The following NR3C2 variants were observed in gnomAD, a reference collection of about 807,000 sequenced individuals.
NR3C2 encodes the protein nuclear receptor subfamily 3 group C member 2.
Under a neutral mutation model 86.4 loss-of-function variants are expected in NR3C2, and 15 were observed. The ratio of observed to expected loss-of-function variants is 0.17; its 90% CI spans 0.12 to 0.27. The LOEUF (loss-of-function observed/expected upper bound fraction) is 0.27. Ranked by LOEUF, NR3C2 falls within the 10% of genes least tolerant of loss-of-function variation. NR3C2 has a pLI of 1.00. For synonymous variants in NR3C2, 458 were observed against 450.5 expected, an observed-to-expected ratio of 1.02 and a Z score of -0.21; for missense variants, 960 against 1,195.6, an observed-to-expected ratio of 0.80 and a Z score of 2.91.
chr4:148,149,251 C>A (rs1271082528), intron 6 of NR3C2, among the ~76,000 whole-genome samples: 1 of 152,140 alleles, frequency 6.6e-6, no homozygotes. Context: ...CATTTAACTA[C>A]TTTTAATATT....
chr4:148,367,958 C>A (rs1297905746), intron 2 of NR3C2, among the ~76,000 whole-genome samples: 1 of 152,014 alleles, frequency 6.6e-6, no homozygotes, highest in Non-Finnish European at 1.5e-5. Flanking sequence ...CCGTCTTTCA[C>A]ATCCGCCCTC....
chr4:148,086,902 C>G (rs1303981797), intron 8 of NR3C2, among the ~76,000 whole-genome samples: 1 of 152,150 alleles, frequency 6.6e-6, no homozygotes, highest in Non-Finnish European at 1.5e-5. Context: ...TTCTATTCAA[C>G]ATAGTATTAG....
Position 148,260,262 on chromosome 4 carries a change from A to C in NR3C2, c.1758-145T>G, listed in dbSNP as rs1015182822. On this transcript the variant is annotated intron_variant, in intron 2 of 8. Transcript: ENST00000358102. Reference sequence around the variant, plus strand: ...ACCACATACTATGTGACTTAGCAAAATAAAGGTAAAACCCGATGAGTGGAG... The same window carrying C: ...ACCACATACTATGTGACTTAGCAAACTAAAGGTAAAACCCGATGAGTGGAG... The C allele has an allele frequency of 2.9e-6, 3 of 1,028,188 alleles. No individual in the cohort carries two copies. The African/African-American group carries it at 4.8e-5, about 16-fold the overall frequency. 63.7% of individuals were successfully genotyped at this position (1,028,188 alleles called of 1,614,324 possible).
chr4:148,399,527 C>T (rs1748032971), intron 2 of NR3C2, among the ~76,000 whole-genome samples: 1 of 151,736 alleles, frequency 6.6e-6, no homozygotes, highest in African/African-American at 2.4e-5. Context: ...TTATCCATAT[C>T]GAATTTTCAA....
At chr4:148,117,777 G>A (rs1278024715) in intron 7 of NR3C2, among the ~76,000 whole-genome samples, 3 of 152,056 alleles carry the variant, frequency 2.0e-5, no homozygotes, top group African/African-American at 7.2e-5. Context: ...ATACGCATTC[G>A]GAAATCCTGA....
chr4:148,342,237 A>G (rs79580204), intron 2 of NR3C2, among the ~76,000 whole-genome samples: 320 of 152,196 alleles, frequency 2.1e-3, no homozygotes, highest in African/African-American at 7.4e-3. Context: ...GCTTTTCTAC[A>G]CGGCACAATA....
At chr4:148,341,962 C>G (rs1008964807) in intron 2 of NR3C2, among the ~76,000 whole-genome samples, 3 of 152,102 alleles carry the variant, frequency 2.0e-5, no homozygotes, top group Non-Finnish European at 2.9e-5. Context: ...CAAAACAGCT[C>G]CTGAGCAGAA....
At chr4:148,221,907 A>AAG (rs1316048942) in intron 3 of NR3C2, among the ~76,000 whole-genome samples, 5 of 151,378 alleles carry the variant, frequency 3.3e-5, no homozygotes, top group South Asian at 2.1e-4. Flanking sequence ...AAAAAAAAAA[A>AAG]AAAAAGAAAA....
chr4:148,119,785 C>CAAAA (rs34625634), intron 7 of NR3C2, among the ~76,000 whole-genome samples: 1 of 122,096 alleles, frequency 8.2e-6, no homozygotes, highest in Non-Finnish European at 1.7e-5. Context: ...GACTTCATCT[C>CAAAA]AAAAAAAAAA....
chr4:148,268,432 C>T (rs922585647), intron 2 of NR3C2, among the ~76,000 whole-genome samples: 13 of 152,152 alleles, frequency 8.5e-5, no homozygotes, highest in Admixed American at 3.9e-4. Context: ...CAATGCACTA[C>T]AGATAAGAAT....
chr4:148,162,391 AT>A (rs1734701020), intron 4 of NR3C2, among the ~76,000 whole-genome samples: 2 of 151,650 alleles, frequency 1.3e-5, no homozygotes. Context: ...TAATATGTAC[AT>A]TTTTCATCCC....
At position 148,118,602 on chromosome 4, in the gene NR3C2, T is replaced by A. The variant is rs183355150; in HGVS notation, c.2641+1556A>T. Among the ~76,000 whole-genome samples, 13 of 152,240 alleles carry A rather than the reference T, an allele frequency of 8.5e-5. No homozygotes were observed. In the East Asian group the frequency reaches 2.3e-3, roughly 27 times the overall value. ...CTCATACCTGTCTTCACAGTCCCAG[T>A]CCCCAGTTCTCCCCATCTTTTGGCT... On this transcript the variant is annotated intron_variant, in intron 7 of 8. Coordinates refer to ENST00000358102, the MANE Select transcript of NR3C2 (RefSeq NM_000901.5).
intron 3 of NR3C2, among the ~76,000 whole-genome samples, chr4:148,199,868 A>T (rs2149807124): frequency 6.6e-6 from 1 of 152,298 alleles, no homozygotes; most frequent in Non-Finnish European, 1.5e-5. Flanking sequence ...CTGTACATGT[A>T]CCTCTGAACT....
chr4:148,313,529 A>G (rs540882359), intron 2 of NR3C2, among the ~76,000 whole-genome samples: 1 of 152,314 alleles, frequency 6.6e-6, no homozygotes, highest in Non-Finnish European at 1.5e-5. Flanking sequence ...AAATCTGAGG[A>G]CAATCCTATG....
chr4:148,244,052 G>A (rs926749052), intron 3 of NR3C2, among the ~76,000 whole-genome samples: 2 of 152,200 alleles, frequency 1.3e-5, no homozygotes, highest in Admixed American at 1.3e-4. Flanking sequence ...CAGCAGTGAC[G>A]TCCACGTACA....
Position 148,348,715 on chromosome 4 carries a change from C to T in NR3C2, c.1757+86389G>A, listed in dbSNP as rs536660269. 6.1e-4 allele frequency among the ~76,000 whole-genome samples: 93 copies of T among 152,216 alleles called. 3 individuals are homozygous for T. The highest frequency in any genetic ancestry group is 5.5e-3 in the Admixed American group (84 of 15,266). ...AACAGATAGCTCTCTAATTGCTGTG[C>T]TAAGTGCTTATGTCTACTTGTAAGG... On this transcript the variant is annotated intron_variant, in intron 2 of 8. Coordinates refer to ENST00000358102, the MANE Select transcript of NR3C2 (RefSeq NM_000901.5).
chr4:148,156,747 C>T (rs888939290), intron 4 of NR3C2, among the ~76,000 whole-genome samples: 49 of 152,216 alleles, frequency 3.2e-4, no homozygotes, highest in Non-Finnish European at 6.2e-4. Flanking sequence ...GTCAGTGTGG[C>T]GTTTCCTCAG....
At chr4:148,172,374 G>C (rs923051722) in intron 4 of NR3C2, among the ~76,000 whole-genome samples, 1 of 152,110 alleles carries the variant, frequency 6.6e-6, no homozygotes, top group Non-Finnish European at 1.5e-5. Context: ...GGACTGAAGA[G>C]ATATAAGCCT....
At chr4:148,307,992 G>A (rs1347900806) in intron 2 of NR3C2, among the ~76,000 whole-genome samples, 1 of 152,168 alleles carries the variant, frequency 6.6e-6, no homozygotes, top group Non-Finnish European at 1.5e-5. Context: ...ACTGAGCAGA[G>A]ATGGTGGAGA....
Sources: allele counts gnomAD v4.1 joint callset (sites outside exome capture counted in the v4.1 genomes callset), GRCh38; gene constraint gnomAD v4.1.1; transcripts MANE v1.5; gene names NCBI Gene and HGNC (gene_info 2026-07-23, HGNC 2026-07-21).